CPZ: variants seen among roughly 807,000 people sequenced by gnomAD.
CPZ encodes carboxypeptidase Z, also known as VEZT/CPZ fusion.
In CPZ, 103 loss-of-function variants were observed where a neutral mutation model predicts 61.8. The ratio of observed to expected loss-of-function variants is 1.67; its 90% CI spans 1.42 to 1.96. The LOEUF (loss-of-function observed/expected upper bound fraction) is 1.96, where lower values mean the gene tolerates loss of function less well. CPZ is among the 30% of genes most tolerant of loss of function. The probability of loss-of-function intolerance (pLI) is 0.00; values close to 1 mark genes in which losing one functional copy is unlikely to be tolerated. For synonymous variants in CPZ, 551 were observed against 373.7 expected (o/e 1.47, Z -5.47); for missense variants, 1,461 against 914.9 (o/e 1.60, Z -7.70).
In CPZ at chr4:8,603,994, A is replaced by G. The variant is rs1421806312; in HGVS notation, c.515A>G (p.Glu172Gly). ...CCCCCAGGAGGCCTGGAGGCTGACGAGGCACTGCCCTCAGGGCTGCCGCCC... is the reference window on the plus strand; with the variant it reads ...CCCCCAGGAGGCCTGGAGGCTGACGGGGCACTGCCCTCAGGGCTGCCGCCC... ...EKLRGGLEAD[E>G]ALPSGLPPTF... Residue 172 changes from glutamate to glycine, a missense_variant, in exon 4 of 11, where the codon GAG (glutamate) becomes GGG (glycine). Physicochemically the swap from Glu to Gly is moderately conservative, Grantham distance 98. Transcript: ENST00000360986. 1 of 1,612,116 alleles carries G rather than the reference A, an allele frequency of 6.2e-7. No homozygotes were observed. Among genetic ancestry groups the G allele is most frequent in the Non-Finnish European group, 8.5e-7 (1 of 1,179,796 alleles).
intron 9 of CPZ, among the ~76,000 whole-genome samples, chr4:8,617,046 C>T (rs1431039125): frequency 5.9e-5 from 9 of 152,234 alleles, no homozygotes; most frequent in African/African-American, 2.2e-4. Context: ...TGGGTGCCCA[C>T]TCCCCTCTTT....
At chr4:8,616,396 T>C (rs1401515752) in intron 9 of CPZ, among the ~76,000 whole-genome samples, 1 of 152,094 alleles carries the variant, frequency 6.6e-6, no homozygotes, top group Non-Finnish European at 1.5e-5. Flanking sequence ...ATCCGTCCAC[T>C]GCAGGCTGAT....
intron 7 of CPZ, among the ~76,000 whole-genome samples, chr4:8,608,942 C>T (rs1304665930): frequency 6.7e-6 from 1 of 150,030 alleles, no homozygotes; most frequent in African/African-American, 2.4e-5. Context: ...ACAGCAACAC[C>T]TGGGCCACCG....
chr4:8,615,455 A>G (rs1025027058), intron 9 of CPZ, among the ~76,000 whole-genome samples: 5 of 152,208 alleles, frequency 3.3e-5, no homozygotes, highest in African/African-American at 9.6e-5. Flanking sequence ...TAAATTGCAT[A>G]TGAGCACAGA....
At chr4:8,617,436 C>T (rs1023244898) in intron 9 of CPZ, among the ~76,000 whole-genome samples, 26 of 152,196 alleles carry the variant, frequency 1.7e-4, no homozygotes, top group African/African-American at 6.3e-4. Context: ...ACCCTGTGGG[C>T]CCAGGCTCTT....
chr4:8,598,920 C>T (rs1714370259), intron 1 of CPZ, among the ~76,000 whole-genome samples: 1 of 152,216 alleles, frequency 6.6e-6, no homozygotes, highest in Admixed American at 6.5e-5. Context: ...AGAGGCCACA[C>T]CCTGGTGGTG....
chr4:8,600,021 C>G (rs1169431157), intron 2 of CPZ: 1 of 152,634 alleles, frequency 6.6e-6, no homozygotes, highest in Non-Finnish European at 1.5e-5. Flanking sequence ...TCATTGTCGC[C>G]TCCTGACGGA....
intron 10 of CPZ, among the ~76,000 whole-genome samples, chr4:8,618,789 G>A (rs1211346980): frequency 3.3e-5 from 5 of 152,302 alleles, no homozygotes; most frequent in East Asian, 1.9e-4. Context: ...GGAAAATGCC[G>A]CCTCCTCCAA....
chr4:8,604,243 C>T (rs558680974), intron 4 of CPZ, 55 bp downstream of exon 4: 10 of 1,455,162 alleles, frequency 6.9e-6, no homozygotes, highest in East Asian at 2.5e-5. Context: ...GGGCTTGGGC[C>T]GCTCCACCTT....
chr4:8,618,252 A>C (rs1404886482), intron 9 of CPZ, 177 bp from the exon 10 acceptor site: 4 of 611,396 alleles, frequency 6.5e-6, no homozygotes, highest in Non-Finnish European at 8.7e-6. Flanking sequence ...TGAGGCCCAG[A>C]GAGGGGAGTG....
At chr4:8,607,924 T>G (rs766206254) in intron 7 of CPZ, among the ~76,000 whole-genome samples, 53 of 152,224 alleles carry the variant, frequency 3.5e-4, no homozygotes, top group Non-Finnish European at 7.6e-4. Flanking sequence ...ACTGGGCCAT[T>G]AGGTGAGGCC....
rs552434716 is a variant in CPZ at position 8,607,462 on chromosome 4, C to G, written c.1227+37C>G. On this transcript the variant is annotated intron_variant, in intron 7 of 10. Transcript: ENST00000360986. ...GTCGGGTGTGTGCAGGGGAGGGAGA[C>G]AGTGTGCGCGGTCCCCTTGGAGCTG... The G allele has an allele frequency of 1.9e-4, 303 of 1,604,636 alleles. 4 individuals carry two copies. The South Asian group carries it at 2.7e-3, about 14-fold the overall frequency.
At chr4:8,609,144 TC>T (rs1560297978) in intron 7 of CPZ, among the ~76,000 whole-genome samples, 4 of 94,100 alleles carry the variant, frequency 4.3e-5, no homozygotes, top group Non-Finnish European at 7.1e-5. Context: ...ATTTACTCAT[TC>T]ACCCACTCCC....
At chr4:8,618,120 A>G in intron 9 of CPZ, 1 of 364,976 alleles carries the variant, frequency 2.7e-6, no homozygotes, top group Non-Finnish European at 5.1e-6. Flanking sequence ...ATCAGGCAGA[A>G]GAGTGGCAGG....
intron 4 of CPZ, among the ~76,000 whole-genome samples, chr4:8,605,764 ATATTCT>A (rs1252012415): frequency 6.6e-6 from 1 of 152,050 alleles, no homozygotes; most frequent in African/African-American, 2.4e-5. Flanking sequence ...TATATTATTC[ATATTCT>A]TGAGTTATGC....
Position 8,594,671 on chromosome 4 carries a change from G to A in CPZ, c.88+1750G>A, listed in dbSNP as rs570544725. Reference sequence around the variant, plus strand: ...CAAAAGCCGCTTTCAGACCAGTGCTGTCCAACAGAAACACAAAGCCATCCA... The same window carrying A: ...CAAAAGCCGCTTTCAGACCAGTGCTATCCAACAGAAACACAAAGCCATCCA... On this transcript the variant is annotated intron_variant, in intron 1 of 10. Transcript: ENST00000360986. Among the ~76,000 whole-genome samples, 6 of 152,322 alleles carry A rather than the reference G, an allele frequency of 3.9e-5. No homozygotes were observed. In the South Asian group the frequency reaches 1.2e-3, roughly 32 times the overall value.
At position 8,607,256 on chromosome 4, in the gene CPZ, G is replaced by T; in HGVS notation, c.1069-11G>T. The T allele has an allele frequency of 6.2e-7, 1 of 1,613,836 alleles. No individual in the cohort carries two copies. Among genetic ancestry groups the T allele is most frequent in the Non-Finnish European group, 8.5e-7 (1 of 1,179,844 alleles). On this transcript the variant is annotated splice_polypyrimidine_tract_variant and intron_variant, in intron 6 of 10. Coordinates refer to ENST00000360986, the MANE Select transcript of CPZ (RefSeq NM_001014447.3). ...CCCAGCCCTGAGGGCGGCCTCGTCT[G>T]TCCTGGGCAGGTGGCCCCGGAGACA... is the stretch of plus-strand genomic sequence containing the variant.
rs141682897 is a variant in CPZ at position 8,599,387 on chromosome 4, G to A, written c.89-66G>A. ...CCTACCTGCACTCAGGGCCCTGGCC[G>A]TGTGTTGCCCGGTGAGTGAAGGATG... is the stretch of plus-strand genomic sequence containing the variant. On this transcript the variant is annotated intron_variant, in intron 1 of 10. Transcript: ENST00000360986. 1.1e-3 allele frequency: 1,654 copies of A among 1,524,362 alleles called. 19 individuals carry two copies. In the East Asian group the frequency reaches 0.018, roughly 16 times the overall value. 94.4% of individuals were successfully genotyped at this position (1,524,362 alleles called of 1,614,324 possible).
chr4:8,598,406 C>T (rs1237630906), intron 1 of CPZ, among the ~76,000 whole-genome samples: 5 of 152,248 alleles, frequency 3.3e-5, no homozygotes, highest in South Asian at 2.1e-4. Flanking sequence ...AAGCGGCCTG[C>T]ACTCTCCTGG....
Sources: gnomAD v4.1 joint callset for allele counts (sites outside exome capture counted in the v4.1 genomes callset) on GRCh38, gnomAD v4.1.1 for gene constraint, MANE v1.5 for transcripts, NCBI Gene and HGNC (gene_info 2026-07-23, HGNC 2026-07-21) for gene names.